The following KSR2 variants were observed in gnomAD, a reference collection of about 807,000 sequenced individuals.
KSR2 encodes kinase suppressor of ras 2.
A neutral mutation model predicts 107.8 loss-of-function variants in KSR2; 25 were observed. The ratio of observed to expected loss-of-function variants is 0.23; its 90% confidence interval spans 0.17 to 0.32. KSR2 has a LOEUF of 0.32. Among genes scored for constraint, KSR2 ranks in the 10% least tolerant of loss-of-function variants. KSR2 has a pLI of 1.00. For missense variants in KSR2, 887 were observed against 1,268.9 expected (o/e 0.70, Z 4.57); for synonymous variants, 480 against 507.0 (o/e 0.95, Z 0.71).
At chr12:117,490,094 G>A (rs1004698215) in intron 14 of KSR2, among the ~76,000 whole-genome samples, 2 of 152,150 alleles carry the variant, frequency 1.3e-5, no homozygotes, top group Non-Finnish European at 2.9e-5. Context: ...TATGGGTGAG[G>A]ATATGGACAC....
At chr12:117,560,001 T>A (rs893945286) in intron 7 of KSR2, among the ~76,000 whole-genome samples, 1 of 152,170 alleles carries the variant, frequency 6.6e-6, no homozygotes, top group Admixed American at 6.5e-5. Context: ...AGTAGGAACT[T>A]TACAGTTGCC....
At chr12:117,865,260 A>C (rs1348907567) in intron 1 of KSR2, among the ~76,000 whole-genome samples, 28 of 152,144 alleles carry the variant, frequency 1.8e-4, no homozygotes, top group Admixed American at 1.8e-3. Context: ...TTAAGTTCTG[A>C]TTTTGAAATT....
At chr12:117,599,231 A>G (rs1880806426) in intron 5 of KSR2, among the ~76,000 whole-genome samples, 1 of 152,202 alleles carries the variant, frequency 6.6e-6, no homozygotes, top group Non-Finnish European at 1.5e-5. Flanking sequence ...GCTGGACTCC[A>G]AAGTCAGTTG....
At chr12:117,647,667 CA>C (rs1350124251) in intron 5 of KSR2, among the ~76,000 whole-genome samples, 1 of 152,052 alleles carries the variant, frequency 6.6e-6, no homozygotes, top group African/African-American at 2.4e-5. Flanking sequence ...TGCTGGAGAT[CA>C]GGGGAGGGGC....
chr12:117,766,899 G>C (rs1478669706), intron 3 of KSR2, among the ~76,000 whole-genome samples: 1 of 151,310 alleles, frequency 6.6e-6, no homozygotes, highest in Non-Finnish European at 1.5e-5. Context: ...GGGGCGGGGT[G>C]GTGAGACAGA....
chr12:117,582,231 G>T, intron 6 of KSR2, 59 bp downstream of exon 6: 3 of 1,462,648 alleles, frequency 2.1e-6, no homozygotes, highest in African/African-American at 1.4e-5. Context: ...AGGGGCCAGA[G>T]CCCCCACCCC....
At chr12:117,821,752 C>T (rs1303952755) in intron 3 of KSR2, among the ~76,000 whole-genome samples, 1 of 152,118 alleles carries the variant, frequency 6.6e-6, no homozygotes, top group East Asian at 1.9e-4. Context: ...GAATTGGAAG[C>T]CAGGCTCTGG....
chr12:117,587,495 G>A (rs998421045), intron 5 of KSR2, among the ~76,000 whole-genome samples: 1 of 152,070 alleles, frequency 6.6e-6, no homozygotes, highest in Non-Finnish European at 1.5e-5. Context: ...CAGCTCTGCC[G>A]ACACCCTGAT....
intron 1 of KSR2, among the ~76,000 whole-genome samples, chr12:117,894,840 A>G (rs1301326694): frequency 3.3e-5 from 5 of 150,252 alleles, no homozygotes; most frequent in Non-Finnish European, 3.0e-5. Context: ...CCTCCCCACC[A>G]ATGCTTCCTA....
At chr12:117,799,403 G>A (rs184503901) in intron 3 of KSR2, among the ~76,000 whole-genome samples, 1 of 152,062 alleles carries the variant, frequency 6.6e-6, no homozygotes, top group Non-Finnish European at 1.5e-5. Flanking sequence ...TCAGGAGGCT[G>A]AGGCTGGAGA....
At chr12:117,609,778 T>A (rs1231778096) in intron 5 of KSR2, among the ~76,000 whole-genome samples, 3 of 152,274 alleles carry the variant, frequency 2.0e-5, no homozygotes, top group African/African-American at 7.2e-5. Context: ...CTGGGCATTG[T>A]AAGATATTGA....
intron 4 of KSR2, among the ~76,000 whole-genome samples, chr12:117,691,346 G>A (rs551428896): frequency 3.9e-5 from 6 of 152,276 alleles, no homozygotes; most frequent in African/African-American, 1.4e-4. Flanking sequence ...AAGAAAGATG[G>A]TGCCAGGGGA....
At chr12:117,514,114 G>C (rs1336618021) in intron 14 of KSR2, among the ~76,000 whole-genome samples, 1 of 152,232 alleles carries the variant, frequency 6.6e-6, no homozygotes, top group African/African-American at 2.4e-5. Flanking sequence ...GCCCACACTT[G>C]CCTTCAAAAC....
intron 4 of KSR2, among the ~76,000 whole-genome samples, chr12:117,670,868 A>C (rs1437823297): frequency 2.0e-5 from 3 of 151,918 alleles, no homozygotes; most frequent in East Asian, 1.9e-4. Flanking sequence ...TTCCTCCTCC[A>C]CCTGGTGAAC....
chr12:117,616,969 T>C (rs1400594), intron 5 of KSR2, among the ~76,000 whole-genome samples: 32,679 of 152,122 alleles, frequency 0.21, 5,312 homozygotes, highest in African/African-American at 0.45. Flanking sequence ...GAGCCCTGCA[T>C]TAACCAGAAA....
intron 14 of KSR2, among the ~76,000 whole-genome samples, chr12:117,496,792 C>T (rs1179356836): frequency 6.6e-6 from 1 of 151,794 alleles, no homozygotes; most frequent in East Asian, 1.9e-4. Flanking sequence ...AAAAACAAAA[C>T]AACAAAACTA....
intron 3 of KSR2, among the ~76,000 whole-genome samples, chr12:117,768,050 G>A (rs1466553376): frequency 6.6e-6 from 1 of 152,120 alleles, no homozygotes; most frequent in Non-Finnish European, 1.5e-5. Flanking sequence ...CTGCTTCAAG[G>A]TTTAGACCCT....
chr12:117,635,283 A>G (rs1294620673), intron 5 of KSR2, among the ~76,000 whole-genome samples: 2 of 152,224 alleles, frequency 1.3e-5, no homozygotes, highest in African/African-American at 2.4e-5. Context: ...GAAACACCCT[A>G]TATTTTAAAC....
At chr12:117,924,228 T>C (rs1895435382) in intron 1 of KSR2, among the ~76,000 whole-genome samples, 1 of 151,594 alleles carries the variant, frequency 6.6e-6, no homozygotes, top group Non-Finnish European at 1.5e-5. Flanking sequence ...AAAACTAAAA[T>C]AAATCAATCT....
Sources: gnomAD v4.1 joint callset for allele counts (sites outside exome capture counted in the v4.1 genomes callset) on GRCh38, gnomAD v4.1.1 for gene constraint, MANE v1.5 for transcripts, NCBI Gene and HGNC (gene_info 2026-07-23, HGNC 2026-07-21) for gene names.